Variants in NAPG observed in about 807,000 individuals in gnomAD.
The protein encoded by NAPG is NSF attachment protein gamma.
Under a neutral mutation model 48.4 loss-of-function variants are expected in NAPG, and 25 were observed. That is an observed-to-expected ratio of 0.52 (90% CI 0.38 to 0.72). NAPG has a LOEUF of 0.72. Among genes scored for constraint, NAPG ranks in the 30% least tolerant of loss-of-function variants. The probability of loss-of-function intolerance (pLI) is 0.00; values close to 1 mark genes in which losing one functional copy is unlikely to be tolerated. For missense variants in NAPG, 359 were observed against 372.5 expected, an observed-to-expected ratio of 0.96 and a Z score of 0.30; for synonymous variants, 139 against 127.2, an observed-to-expected ratio of 1.09 and a Z score of -0.62.
In NAPG at chr18:10,543,947, A is replaced by G. The variant is rs193044876; in HGVS notation, c.507-2379A>G. On this transcript the variant is annotated intron_variant, in intron 8 of 11. Coordinates refer to ENST00000322897, the MANE Select transcript of NAPG (RefSeq NM_003826.3). The surrounding 1 kb of genome is among the most constrained non-coding windows in gnomAD (Gnocchi z 4.4). ...GGCTTGGCTCTTTTGTTAGGTAACT[A>G]TATATTAGCACATAGAAATGCTAAT... Among the ~76,000 whole-genome samples the G allele has an allele frequency of 6.6e-6, 1 of 152,350 alleles. No individual in the cohort carries two copies. The highest frequency in any genetic ancestry group is 1.5e-5 in the Non-Finnish European group (1 of 68,026).
At position 10,540,070 on chromosome 18, in the gene NAPG, A is replaced by AT. The variant is rs767213842; in HGVS notation, c.435+23dup. 2 of 1,534,510 alleles carry AT rather than the reference A, an allele frequency of 1.3e-6. No individual in the cohort carries two copies. Among genetic ancestry groups the AT allele is most frequent in the Admixed American group, 2.0e-5 (1 of 49,864 alleles). On this transcript the variant is annotated intron_variant, in intron 7 of 11. Transcript: ENST00000322897. ...TGTGTTTGAAGTAAGTTTGAATCTT[A>AT]TTTTTTTCTTTAATTACTTAGAATG...
chr18:10,539,206 C>T lies in NAPG; in HGVS notation c.259-556C>T, dbSNP rs1406219124. 1 of 152,644 alleles carries T rather than the reference C, an allele frequency of 6.6e-6. No homozygotes were observed. The highest frequency in any genetic ancestry group is 1.5e-5 in the Non-Finnish European group (1 of 68,428). The allele number at this position is 152,644 out of a possible 1,614,324, so 9.5% of individuals were successfully genotyped here. On this transcript the variant is annotated intron_variant, in intron 5 of 11. Coordinates refer to ENST00000322897, the MANE Select transcript of NAPG (RefSeq NM_003826.3). The surrounding 1 kb of genome is among the most constrained non-coding windows in gnomAD (Gnocchi z 4.7). ...TAGAAACGTATGTTTATACAGTAAACACGTATGTTTATTGTAGCACCATTT... is the reference window on the plus strand; with the variant it reads ...TAGAAACGTATGTTTATACAGTAAATACGTATGTTTATTGTAGCACCATTT...
Position 10,539,604 on chromosome 18 carries a change from A to G in NAPG, c.259-158A>G. The G allele has an allele frequency of 1.6e-6, 1 of 633,114 alleles. No individual in the cohort carries two copies. The highest frequency in any genetic ancestry group is 2.8e-6 in the Non-Finnish European group (1 of 360,678). 39.2% of individuals were successfully genotyped at this position (633,114 alleles called of 1,614,324 possible). ...AGATGATGGGTTGATAGGTATAGCA[A>G]ACCACCATGGGACATGTATACCTAT... On this transcript the variant is annotated intron_variant, in intron 5 of 11. Coordinates refer to ENST00000322897, the MANE Select transcript of NAPG (RefSeq NM_003826.3). This position sits in a 1 kb window ranked among gnomAD's most constrained non-coding sequence, Gnocchi z 4.7.
chr18:10,549,836 A>G (rs528779283), intron 11 of NAPG, among the ~76,000 whole-genome samples: 3 of 152,130 alleles, frequency 2.0e-5, no homozygotes, highest in East Asian at 1.9e-4. Flanking sequence ...TTGAAAATAT[A>G]TATATTTCTA....
rs181979084 is a variant in NAPG at position 10,548,375 on chromosome 18, A to G, written c.662A>G (p.Tyr221Cys). ...VAAERCVRES[Y>C]SIPGFNGSED... is the part of the protein sequence containing the mutation. ...GCAGAAAGATGTGTCCGGGAGAGCTATAGGTAAGACGTTGTCTGGGCCCTC... is the reference window on the plus strand; with the variant it reads ...GCAGAAAGATGTGTCCGGGAGAGCTGTAGGTAAGACGTTGTCTGGGCCCTC... The change falls in exon 10 of 12, where the codon TAT becomes TGT. Residue 221 changes from tyrosine to cysteine, a missense_variant. Coordinates refer to ENST00000322897, the MANE Select transcript of NAPG (RefSeq NM_003826.3). This position sits in a 1 kb window ranked among gnomAD's most constrained non-coding sequence, Gnocchi z 4.4. 1.9e-6 allele frequency: 3 copies of G among 1,612,812 alleles called. No individual in the cohort carries two copies. Among genetic ancestry groups the G allele is most frequent in the East Asian group, 4.5e-5 (2 of 44,874 alleles).
chr18:10,530,255 C>A (rs1245388931), intron 1 of NAPG, among the ~76,000 whole-genome samples: 1 of 84,630 alleles, frequency 1.2e-5, no homozygotes, highest in Non-Finnish European at 2.3e-5. Flanking sequence ...TGATTGTATT[C>A]CTTAGTCTTT....
In NAPG at chr18:10,544,965, C is replaced by G. The variant is rs1387522527; in HGVS notation, c.507-1361C>G. On this transcript the variant is annotated intron_variant, in intron 8 of 11. Coordinates refer to ENST00000322897, the MANE Select transcript of NAPG (RefSeq NM_003826.3). This position sits in a 1 kb window ranked among gnomAD's most constrained non-coding sequence, Gnocchi z 5.1. ...AGCCATAATAGCATAAGCCAAGCCA[C>G]TGTGTGTGTGGTGTGTGTGTGTGTC... is the stretch of plus-strand genomic sequence containing the variant. Among the ~76,000 whole-genome samples the G allele has an allele frequency of 6.6e-6, 1 of 152,004 alleles. No individual in the cohort carries two copies. Among genetic ancestry groups the G allele is most frequent in the Non-Finnish European group, 1.5e-5 (1 of 67,992 alleles).
chr18:10,545,921 C>T (rs555446), intron 8 of NAPG, among the ~76,000 whole-genome samples: 3 of 151,938 alleles, frequency 2.0e-5, no homozygotes, highest in African/African-American at 7.3e-5. Context: ...GGGACACAGT[C>T]GGGGGAAGGC....
intron 5 of NAPG, among the ~76,000 whole-genome samples, chr18:10,538,726 A>T (rs2032085949): frequency 6.6e-6 from 1 of 152,160 alleles, no homozygotes; most frequent in Admixed American, 6.5e-5. Flanking sequence ...CATGTGAAGC[A>T]TTTCATTTTA....
At chr18:10,530,965 C>A in intron 2 of NAPG, 128 bp downstream of exon 2, 1 of 715,538 alleles carries the variant, frequency 1.4e-6, no homozygotes, top group Non-Finnish European at 2.0e-6. Context: ...AACAAAACAA[C>A]TGTGCAAGCC....
chr18:10,528,073 T>C (rs969668140), intron 1 of NAPG, among the ~76,000 whole-genome samples: 1 of 151,964 alleles, frequency 6.6e-6, no homozygotes, highest in Non-Finnish European at 1.5e-5. Flanking sequence ...GTAATCCCAA[T>C]TGCTCAGGAG....
At chr18:10,533,925 A>G (rs2031981132) in intron 4 of NAPG, among the ~76,000 whole-genome samples, 1 of 152,158 alleles carries the variant, frequency 6.6e-6, no homozygotes, top group Admixed American at 6.6e-5. Flanking sequence ...CAGGCGGATC[A>G]CTTGAGGTCA....
rs1035822811 is a variant in NAPG at position 10,550,361 on chromosome 18, C to T, written c.*141C>T. The T allele has an allele frequency of 2.4e-6, 2 of 846,726 alleles. No individual in the cohort carries two copies. The highest frequency in any genetic ancestry group is 3.7e-5 in the African/African-American group (2 of 54,774). 52.5% of individuals were successfully genotyped at this position (846,726 alleles called of 1,614,324 possible). A position where few individuals can be genotyped will look rare whatever the true frequency, so the allele number is the denominator to read the frequency against. On this transcript the variant is annotated 3_prime_UTR_variant, in exon 12 of 12. Coordinates refer to ENST00000322897, the MANE Select transcript of NAPG (RefSeq NM_003826.3). Reference sequence around the variant, plus strand: ...CTAATAAAGACTAGTTTTTAGTTACCATCTTCCCAAATCACTCATTGTATC... The same window carrying T: ...CTAATAAAGACTAGTTTTTAGTTACTATCTTCCCAAATCACTCATTGTATC...
chr18:10,550,454 G>A lies in NAPG; in HGVS notation c.*234G>A. 2.5e-6 allele frequency: 1 copy of A among 394,338 alleles called. No individual in the cohort carries two copies. The highest frequency in any genetic ancestry group is 4.4e-6 in the Non-Finnish European group (1 of 225,300). 24.4% of individuals were successfully genotyped at this position (394,338 alleles called of 1,614,324 possible). ...TCTAAGACACCAGCAGGAATTAACA[G>A]AAAATGTACTGTCATGTTTTAATAC... On this transcript the variant is annotated 3_prime_UTR_variant, in exon 12 of 12. Transcript: ENST00000322897.
chr18:10,532,927 C>G lies in NAPG; in HGVS notation c.209+132C>G, dbSNP rs538788525. 61 of 831,744 alleles carry G rather than the reference C, an allele frequency of 7.3e-5. No individual in the cohort carries two copies. In the South Asian group the frequency reaches 1.2e-3, roughly 16 times the overall value. The allele number at this position is 831,744 out of a possible 1,614,324, so 51.5% of individuals were successfully genotyped here. A position where few individuals can be genotyped will look rare whatever the true frequency, so the allele number is the denominator to read the frequency against. On this transcript the variant is annotated intron_variant, in intron 3 of 11. Coordinates refer to ENST00000322897, the MANE Select transcript of NAPG (RefSeq NM_003826.3). ...AAATTAGAAAATGATTAGAAAAATT[C>G]TGTATTTTTAAACTATGAAGGAGCG...
Position 10,548,906 on chromosome 18 carries a change from C to T in NAPG, c.666-61C>T. The T allele has an allele frequency of 6.4e-7, 1 of 1,570,846 alleles. No homozygotes were observed. Among genetic ancestry groups the T allele is most frequent in the Non-Finnish European group, 8.7e-7 (1 of 1,151,702 alleles). On this transcript the variant is annotated intron_variant, in intron 10 of 11. Coordinates refer to ENST00000322897, the MANE Select transcript of NAPG (RefSeq NM_003826.3). The surrounding 1 kb of genome is among the most constrained non-coding windows in gnomAD (Gnocchi z 4.4). ...GTCACATGCCAGGGGCAGAATCATC[C>T]CTGCCTGAGATGTGTTCTTTTAAGG...
In NAPG at chr18:10,526,097, G is replaced by C. The variant is rs758375928; in HGVS notation, c.-6G>C. ...CTCTCTCCACGTCAGAGACCTGACT[G>C]TGGAGATGGCGGCTCAGAAGATAAA... is the stretch of plus-strand genomic sequence containing the variant. On this transcript the variant is annotated 5_prime_UTR_variant, in exon 1 of 12. Coordinates refer to ENST00000322897, the MANE Select transcript of NAPG (RefSeq NM_003826.3). The C allele has an allele frequency of 1.2e-6, 2 of 1,613,474 alleles. No individual in the cohort carries two copies. The highest frequency in any genetic ancestry group is 1.7e-6 in the Non-Finnish European group (2 of 1,179,526).
At position 10,543,967 on chromosome 18, in the gene NAPG, G is replaced by A. The variant is rs548341352; in HGVS notation, c.507-2359G>A. ...TAACTATATATTAGCACATAGAAAT[G>A]CTAATATTATGTCAAGGAAATAAAC... is the stretch of plus-strand genomic sequence containing the variant. On this transcript the variant is annotated intron_variant, in intron 8 of 11. Transcript: ENST00000322897. This position sits in a 1 kb window ranked among gnomAD's most constrained non-coding sequence, Gnocchi z 4.4. 1.3e-5 allele frequency among the ~76,000 whole-genome samples: 2 copies of A among 152,232 alleles called. No individual in the cohort carries two copies. The highest frequency in any genetic ancestry group is 1.3e-4 in the Admixed American group (2 of 15,300).
intron 8 of NAPG, among the ~76,000 whole-genome samples, chr18:10,541,384 T>C (rs2032153971): frequency 6.6e-6 from 1 of 152,230 alleles, no homozygotes; most frequent in Admixed American, 6.5e-5. Flanking sequence ...ATTCATCTTA[T>C]TACTTACTCG....
Sources: gnomAD v4.1 joint callset for allele counts (sites outside exome capture counted in the v4.1 genomes callset) on GRCh38, gnomAD v4.1.1 for gene constraint, Gnocchi (gnomAD v3.1) non-coding constraint, MANE v1.5 for transcripts, NCBI Gene and HGNC (gene_info 2026-07-23, HGNC 2026-07-21) for gene names.